Variants in TBC1D1 observed in about 807,000 individuals in gnomAD.
The protein encoded by TBC1D1 is TBC1 domain family member 1.
In TBC1D1, 89 loss-of-function variants were observed where a neutral mutation model predicts 125.6. That is an observed-to-expected ratio of 0.71 (90% CI 0.60 to 0.85). The LOEUF is 0.85. Among genes scored for constraint, TBC1D1 ranks in the 40% least tolerant of loss-of-function variants. The probability of loss-of-function intolerance (pLI) is 0.00; values close to 1 mark genes in which losing one functional copy is unlikely to be tolerated. For synonymous variants in TBC1D1, 565 were observed against 564.1 expected, an observed-to-expected ratio of 1.00 and a Z score of -0.02; for missense variants, 1,377 against 1,469.2, an observed-to-expected ratio of 0.94 and a Z score of 1.03.
chr4:38,037,881 A>G lies in TBC1D1; in HGVS notation c.1413+2183A>G, dbSNP rs114406989. Among the ~76,000 whole-genome samples, 1,051 of 152,360 alleles carry G rather than the reference A, an allele frequency of 6.9e-3. 11 individuals carry two copies. The highest frequency in any genetic ancestry group is 0.024 in the African/African-American group (1,001 of 41,582). ...CTTTTGATCTTATAGAACAGGGTTC[A>G]GTTTGGGCAAGACTTATACATTAAG... On this transcript the variant is annotated intron_variant, in intron 8 of 19. Coordinates refer to ENST00000261439, the MANE Select transcript of TBC1D1 (RefSeq NM_015173.4).
intron 15 of TBC1D1, chr4:38,112,154 A>G (rs551142979): frequency 1.3e-6 from 1 of 790,266 alleles, no homozygotes; most frequent in Admixed American, 6.2e-5. Context: ...TGCTGAATCT[A>G]GGTGGTGGTG....
chr4:37,943,419 C>A (rs914073586), intron 2 of TBC1D1, among the ~76,000 whole-genome samples: 1 of 152,170 alleles, frequency 6.6e-6, no homozygotes, highest in Non-Finnish European at 1.5e-5. Context: ...TGGATAATAT[C>A]CTGCAGAGTA....
intron 2 of TBC1D1, among the ~76,000 whole-genome samples, chr4:37,932,904 A>G (rs1723557777): frequency 6.6e-6 from 1 of 152,134 alleles, no homozygotes; most frequent in African/African-American, 2.4e-5. Flanking sequence ...TAAAAATGCA[A>G]AAATTAGCCA....
intron 12 of TBC1D1, among the ~76,000 whole-genome samples, chr4:38,080,601 C>G (rs1255594677): frequency 1.3e-5 from 2 of 152,248 alleles, no homozygotes; most frequent in Non-Finnish European, 2.9e-5. Flanking sequence ...TGGGACTGCC[C>G]CGCATCTCCT....
chr4:38,052,521 G>T (rs1327118810), intron 11 of TBC1D1, among the ~76,000 whole-genome samples: 6 of 151,482 alleles, frequency 4.0e-5, no homozygotes, highest in African/African-American at 1.5e-4. Flanking sequence ...TTTTTGTAGA[G>T]ATGGGGTTTC....
intron 2 of TBC1D1, among the ~76,000 whole-genome samples, chr4:37,970,183 G>A (rs978217911): frequency 2.0e-5 from 3 of 152,198 alleles, no homozygotes; most frequent in African/African-American, 7.2e-5. Flanking sequence ...CCACTCTTGG[G>A]AGTTGTGCTG....
intron 15 of TBC1D1, among the ~76,000 whole-genome samples, chr4:38,103,721 C>G (rs1448671633): frequency 1.3e-5 from 2 of 152,038 alleles, no homozygotes. Context: ...AATTTGGGGA[C>G]TCAACCAACC....
At chr4:38,126,184 T>C (rs1407218399) in intron 18 of TBC1D1, among the ~76,000 whole-genome samples, 1 of 152,238 alleles carries the variant, frequency 6.6e-6, no homozygotes, top group Admixed American at 6.5e-5. Context: ...GTGGAGTATT[T>C]GTGTATCTAA....
intron 13 of TBC1D1, among the ~76,000 whole-genome samples, chr4:38,091,749 C>T (rs571927635): frequency 4.7e-4 from 71 of 152,330 alleles, no homozygotes; most frequent in Middle Eastern, 3.4e-3. Flanking sequence ...TTCTGCTGTG[C>T]AAGCAATGAC....
chr4:37,946,392 G>A (rs1726701824), intron 2 of TBC1D1, among the ~76,000 whole-genome samples: 1 of 152,168 alleles, frequency 6.6e-6, no homozygotes, highest in Non-Finnish European at 1.5e-5. Context: ...CTAAGTACCT[G>A]ATTTGGTCGT....
intron 14 of TBC1D1, among the ~76,000 whole-genome samples, chr4:38,097,711 C>T (rs1759604996): frequency 6.6e-6 from 1 of 152,082 alleles, no homozygotes; most frequent in African/African-American, 2.4e-5. Context: ...CTCTGGACCT[C>T]AGGTGATCTG....
intron 2 of TBC1D1, among the ~76,000 whole-genome samples, chr4:37,929,691 C>T (rs1230570184): frequency 1.3e-5 from 2 of 152,168 alleles, no homozygotes; most frequent in Non-Finnish European, 2.9e-5. Context: ...TGTAACTATG[C>T]TTATATCAAC....
At chr4:37,955,863 G>A (rs887162426) in intron 2 of TBC1D1, among the ~76,000 whole-genome samples, 6 of 152,148 alleles carry the variant, frequency 3.9e-5, no homozygotes, top group Middle Eastern at 3.4e-3. Context: ...AGGGCTGGCC[G>A]TGGTGTCTCA....
At chr4:38,021,802 G>C in intron 6 of TBC1D1, 84 bp downstream of exon 6, 1 of 1,348,280 alleles carries the variant, frequency 7.4e-7, no homozygotes, top group Non-Finnish European at 9.6e-7. Flanking sequence ...TCTGTTGGAA[G>C]ATTCTGCCTA....
chr4:37,904,199 C>T (rs543186958), intron 2 of TBC1D1, among the ~76,000 whole-genome samples: 1 of 152,146 alleles, frequency 6.6e-6, no homozygotes, highest in Admixed American at 6.5e-5. Context: ...GCCATAAAAA[C>T]ATTTTCATTC....
Position 38,138,461 on chromosome 4 carries a change from A to C in TBC1D1, c.*1126A>C, listed in dbSNP as rs996083476. ...GGTGCCCCAAGAGTCTGGGACTTTCAAAAAAAAAAGATCAGGCTGAAACTG... is the reference window on the plus strand; with the variant it reads ...GGTGCCCCAAGAGTCTGGGACTTTCCAAAAAAAAAGATCAGGCTGAAACTG... On this transcript the variant is annotated 3_prime_UTR_variant, in exon 20 of 20. Transcript: ENST00000261439. 4.6e-5 allele frequency: 6 copies of C among 129,924 alleles called. No homozygotes were observed. The highest frequency in any genetic ancestry group is 2.4e-4 in the African/African-American group (6 of 24,648). 8.0% of individuals were successfully genotyped at this position (129,924 alleles called of 1,614,324 possible). A position where few individuals can be genotyped will look rare whatever the true frequency, so the allele number is the denominator to read the frequency against.
chr4:38,131,930 C>G (rs1418527880), intron 18 of TBC1D1, among the ~76,000 whole-genome samples: 1 of 152,182 alleles, frequency 6.6e-6, no homozygotes, highest in Non-Finnish European at 1.5e-5. Context: ...GAATCAAAAA[C>G]AGCAAGCTGA....
chr4:37,947,811 G>A (rs2152314008), intron 2 of TBC1D1, among the ~76,000 whole-genome samples: 1 of 152,250 alleles, frequency 6.6e-6, no homozygotes, highest in Non-Finnish European at 1.5e-5. Flanking sequence ...GGGGGTGACG[G>A]GAAGTGTTTG....
intron 2 of TBC1D1, among the ~76,000 whole-genome samples, chr4:37,923,821 A>T (rs1721525289): frequency 6.6e-6 from 1 of 151,932 alleles, no homozygotes; most frequent in Non-Finnish European, 1.5e-5. Flanking sequence ...CTGGGACTAC[A>T]GGTGTGCACC....
Sources: allele counts gnomAD v4.1 joint callset (sites outside exome capture counted in the v4.1 genomes callset), GRCh38; gene constraint gnomAD v4.1.1; transcripts MANE v1.5; gene names NCBI Gene and HGNC (gene_info 2026-07-23, HGNC 2026-07-21).